The following GALNT9 variants were observed in gnomAD, a reference collection of about 807,000 sequenced individuals.
The protein encoded by GALNT9 is polypeptide N-acetylgalactosaminyltransferase 9.
A neutral mutation model predicts 63.1 loss-of-function variants in GALNT9; 47 were observed. The ratio of observed to expected loss-of-function variants is 0.75; its 90% confidence interval spans 0.59 to 0.95. The LOEUF (loss-of-function observed/expected upper bound fraction) is 0.95, where lower values mean the gene tolerates loss of function less well. Among genes scored for constraint, GALNT9 ranks in the 40% least tolerant of loss-of-function variants. The probability of loss-of-function intolerance (pLI) is 0.00; values close to 1 mark genes in which losing one functional copy is unlikely to be tolerated. For missense variants in GALNT9, 829 were observed against 874.8 expected, an observed-to-expected ratio of 0.95 and a Z score of 0.66; for synonymous variants, 396 against 365.7, an observed-to-expected ratio of 1.08 and a Z score of -0.94.
Position 132,236,089 on chromosome 12 carries a change from C to T in GALNT9, c.1077+11821G>A, listed in dbSNP as rs1290045284. On this transcript the variant is annotated intron_variant, in intron 6 of 10. Transcript: ENST00000328957. This position sits in a 1 kb window ranked among gnomAD's most constrained non-coding sequence, Gnocchi z 5.6. ...GTCCCCCGGGCTGGAGTTCAACCCT[C>T]GGGACAGGGCAGGAGGGTCCCCCGG... 8.9e-5 allele frequency among the ~76,000 whole-genome samples: 12 copies of T among 135,292 alleles called. No homozygotes were observed. The highest frequency in any genetic ancestry group is 1.9e-4 in the Non-Finnish European group (12 of 62,972). 88.8% of individuals were successfully genotyped at this position (135,292 alleles called of 152,430 possible). A position where few individuals can be genotyped will look rare whatever the true frequency, so the allele number is the denominator to read the frequency against.
intron 2 of GALNT9, among the ~76,000 whole-genome samples, chr12:132,263,818 T>A (rs1879497450): frequency 6.6e-6 from 1 of 152,196 alleles, no homozygotes; most frequent in Admixed American, 6.5e-5. Flanking sequence ...GCCTGCCCCC[T>A]ACGCCTCCTC....
chr12:132,255,504 C>G (rs974429936), intron 5 of GALNT9, among the ~76,000 whole-genome samples: 2 of 152,182 alleles, frequency 1.3e-5, no homozygotes, highest in South Asian at 2.1e-4. Flanking sequence ...TTCTGAAGCT[C>G]CTTCTGAAGC....
In GALNT9 at chr12:132,296,089, G is replaced by A. The variant is rs994200063; in HGVS notation, c.239-9659C>T. 6.9e-6 allele frequency among the ~76,000 whole-genome samples: 1 copy of A among 145,964 alleles called. No homozygotes were observed. Among genetic ancestry groups the A allele is most frequent in the Non-Finnish European group, 1.5e-5 (1 of 66,988 alleles). ...AGGCTCCGGAACAGGGAGAGCCTCC[G>A]AACAGGGAGAGCCTCCGAACAGGGA... is the stretch of plus-strand genomic sequence containing the variant. On this transcript the variant is annotated intron_variant, in intron 1 of 10. Coordinates refer to ENST00000328957, the MANE Select transcript of GALNT9 (RefSeq NM_001122636.2). This position sits in a 1 kb window ranked among gnomAD's most constrained non-coding sequence, Gnocchi z 4.2.
Position 132,315,479 on chromosome 12 carries a change from C to G in GALNT9, c.238+13487G>C, listed in dbSNP as rs955224372. Among the ~76,000 whole-genome samples, 1 of 152,246 alleles carries G rather than the reference C, an allele frequency of 6.6e-6. No homozygotes were observed. The highest frequency in any genetic ancestry group is 1.5e-5 in the Non-Finnish European group (1 of 68,042). Reference sequence around the variant, plus strand: ...TTGCAGAATTCAGACCCCGTCTGTTCTTTTCTGACTTAGAAATAAAATCAG... The same window carrying G: ...TTGCAGAATTCAGACCCCGTCTGTTGTTTTCTGACTTAGAAATAAAATCAG... On this transcript the variant is annotated intron_variant, in intron 1 of 10. Coordinates refer to ENST00000328957, the MANE Select transcript of GALNT9 (RefSeq NM_001122636.2). The surrounding 1 kb of genome is among the most constrained non-coding windows in gnomAD (Gnocchi z 6.1).
chr12:132,199,751 C>T (rs1208079739), intron 8 of GALNT9, among the ~76,000 whole-genome samples: 1 of 152,222 alleles, frequency 6.6e-6, no homozygotes, highest in Non-Finnish European at 1.5e-5. Flanking sequence ...GATGTGTTGT[C>T]ATCGGGCAGC....
At chr12:132,309,764 C>A (rs1461485194) in intron 1 of GALNT9, among the ~76,000 whole-genome samples, 1 of 152,208 alleles carries the variant, frequency 6.6e-6, no homozygotes, top group Admixed American at 6.5e-5. Context: ...TACAGCCACC[C>A]GGTCTGTGGT....
rs2136898867 is a variant in GALNT9 at position 132,240,614 on chromosome 12, G to T, written c.1077+7296C>A. The T allele has an allele frequency of 5.9e-4, 268 of 455,426 alleles. 2 individuals are homozygous for T. The highest frequency in any genetic ancestry group is 4.7e-3 in the African/African-American group (235 of 49,904). 28.2% of individuals were successfully genotyped at this position (455,426 alleles called of 1,614,324 possible). ...CTGTGGGCTCCGTGCGTGGCCCCGG[G>T]GCTCGGCTGTGCTCTATGGGCCTCG... On this transcript the variant is annotated intron_variant, in intron 6 of 10. Transcript: ENST00000328957.
At chr12:132,222,079 A>G (rs141904583) in intron 6 of GALNT9, among the ~76,000 whole-genome samples, 3,930 of 152,224 alleles carry the variant, frequency 0.026, 173 homozygotes, top group African/African-American at 0.089. Flanking sequence ...GCGGCTGAGG[A>G]TGGAGATTTG....
chr12:132,296,606 A>T lies in GALNT9; in HGVS notation c.239-10176T>A, dbSNP rs1342285770. On this transcript the variant is annotated intron_variant, in intron 1 of 10. Transcript: ENST00000328957. This position sits in a 1 kb window ranked among gnomAD's most constrained non-coding sequence, Gnocchi z 4.2. ...GTCTGTCCCACAACTTTCATGAAAAACAAACCAAGCTCAATATCCTGCTGT... is the reference window on the plus strand; with the variant it reads ...GTCTGTCCCACAACTTTCATGAAAATCAAACCAAGCTCAATATCCTGCTGT... 1.3e-5 allele frequency among the ~76,000 whole-genome samples: 2 copies of T among 152,214 alleles called. No homozygotes were observed. The highest frequency in any genetic ancestry group is 3.8e-4 in the East Asian group (2 of 5,204).
At chr12:132,204,286 C>G (rs1876477054) in intron 6 of GALNT9, among the ~76,000 whole-genome samples, 1 of 152,200 alleles carries the variant, frequency 6.6e-6, no homozygotes, top group South Asian at 2.1e-4. Flanking sequence ...TAAGCAATAC[C>G]AGCCTTCCTA....
chr12:132,228,231 C>A (rs1236403233), intron 6 of GALNT9, among the ~76,000 whole-genome samples: 1 of 152,014 alleles, frequency 6.6e-6, no homozygotes, highest in Non-Finnish European at 1.5e-5. Flanking sequence ...GACACCCCCG[C>A]GTCCCTCCCC....
intron 3 of GALNT9, 106 bp downstream of exon 3, chr12:132,262,353 G>A: frequency 1.4e-6 from 2 of 1,392,032 alleles, no homozygotes; most frequent in South Asian, 2.9e-5. Flanking sequence ...GACAGATGGG[G>A]TGCAGTCCTC....
intron 6 of GALNT9, among the ~76,000 whole-genome samples, chr12:132,221,741 A>G (rs1264245519): frequency 6.6e-6 from 1 of 151,740 alleles, no homozygotes. Flanking sequence ...AGGAATCCGC[A>G]AACGTCAGGG....
intron 6 of GALNT9, among the ~76,000 whole-genome samples, chr12:132,247,066 C>T (rs1470209177): frequency 6.6e-6 from 1 of 152,186 alleles, no homozygotes; most frequent in Non-Finnish European, 1.5e-5. Flanking sequence ...GGAAACCAAA[C>T]GAAACTCCAA....
At chr12:132,299,381 C>T (rs1555243613) in intron 1 of GALNT9, among the ~76,000 whole-genome samples, 1 of 137,792 alleles carries the variant, frequency 7.3e-6, no homozygotes, top group Admixed American at 7.1e-5. Flanking sequence ...ACTCCCACCA[C>T]ACCTAACCCA....
intron 5 of GALNT9, among the ~76,000 whole-genome samples, chr12:132,249,098 G>A (rs1456707660): frequency 1.3e-5 from 2 of 152,238 alleles, no homozygotes; most frequent in Non-Finnish European, 2.9e-5. Flanking sequence ...CACATCTCCA[G>A]CAAGGAGCAG....
chr12:132,272,777 G>A (rs1555240863), intron 2 of GALNT9: 2 of 152,250 alleles, frequency 1.3e-5, no homozygotes, highest in African/African-American at 2.4e-5. Context: ...TACAAAGCCT[G>A]TGCCCAACGC....
At chr12:132,219,481 G>A (rs753051304) in intron 6 of GALNT9, among the ~76,000 whole-genome samples, 48 of 152,166 alleles carry the variant, frequency 3.2e-4, no homozygotes, top group Non-Finnish European at 4.7e-4. Flanking sequence ...TGCCGGGCGT[G>A]TGGCTCTGAT....
At chr12:132,314,956 C>T (rs1478253140) in intron 1 of GALNT9, among the ~76,000 whole-genome samples, 5 of 152,318 alleles carry the variant, frequency 3.3e-5, no homozygotes, top group South Asian at 2.1e-4. Flanking sequence ...TTATCAAGCG[C>T]GACCGGGTGC....
Sources: gnomAD v4.1 joint callset for allele counts (sites outside exome capture counted in the v4.1 genomes callset) on GRCh38, gnomAD v4.1.1 for gene constraint, Gnocchi (gnomAD v3.1) non-coding constraint, MANE v1.5 for transcripts, NCBI Gene and HGNC (gene_info 2026-07-23, HGNC 2026-07-21) for gene names.